Variants in TOP6BL observed in about 807,000 individuals in gnomAD.
The protein encoded by TOP6BL is TOP6B like initiator of meiotic double strand breaks, also known as type 2 DNA topoisomerase 6 subunit B-like.
the TOP6BL span, among the ~76,000 whole-genome samples, chr11:66,777,264 G>T: frequency 6.6e-6 from 1 of 151,744 alleles, no homozygotes; most frequent in Admixed American, 6.6e-5. Context: ...AGACATTTAG[G>T]TTTATTCTTT....
chr11:66,773,963 AGGTGATCCACCAGC>A, the TOP6BL span, among the ~76,000 whole-genome samples: 2 of 152,240 alleles, frequency 1.3e-5, no homozygotes, highest in South Asian at 4.1e-4. Context: ...TCCTGACCTC[AGGTGATCCACCAGC>A]CTTGGCCTCC....
At chr11:66,788,134 C>T in the TOP6BL span, 1 of 1,528,258 alleles carries the variant, frequency 6.5e-7, no homozygotes, top group Admixed American at 1.7e-5. Context: ...GCTTGTTTGA[C>T]TTTGTTGCCA....
chr11:66,827,965 A>AG, the TOP6BL span, among the ~76,000 whole-genome samples: 54 of 115,268 alleles, frequency 4.7e-4, no homozygotes, highest in African/African-American at 1.8e-3. Context: ...ACTCTGTCTC[A>AG]GAAAAAAAAA....
At chr11:66,814,266 T>C in the TOP6BL span, among the ~76,000 whole-genome samples, 1 of 151,850 alleles carries the variant, frequency 6.6e-6, no homozygotes, top group African/African-American at 2.4e-5. Flanking sequence ...GTTTTTGTTT[T>C]TGTTTTGTTT....
At chr11:66,752,135 T>G in the TOP6BL span, among the ~76,000 whole-genome samples, 2 of 150,632 alleles carry the variant, frequency 1.3e-5, no homozygotes, top group African/African-American at 2.4e-5. Flanking sequence ...CCTGAATCCC[T>G]CTCTCTCTTT....
At chr11:66,821,489 G>A in the TOP6BL span, among the ~76,000 whole-genome samples, 3 of 151,886 alleles carry the variant, frequency 2.0e-5, no homozygotes, top group African/African-American at 4.8e-5. Flanking sequence ...GGGTTTCACC[G>A]TGGTCTCGAT....
the TOP6BL span, among the ~76,000 whole-genome samples, chr11:66,793,635 G>A: frequency 2.6e-5 from 4 of 151,122 alleles, no homozygotes; most frequent in African/African-American, 9.7e-5. Context: ...AGTAGAGACG[G>A]GGTTTCATCA....
the TOP6BL span, among the ~76,000 whole-genome samples, chr11:66,777,765 G>T: frequency 6.6e-6 from 1 of 151,946 alleles, no homozygotes; most frequent in Non-Finnish European, 1.5e-5. Context: ...CCAGCTACTC[G>T]GGAGGCTGAG....
chr11:66,796,313 TTGTC>T, the TOP6BL span: 2 of 1,611,080 alleles, frequency 1.2e-6, no homozygotes, highest in Non-Finnish European at 1.7e-6. Flanking sequence ...TGATGACAGA[TTGTC>T]TGGTTATAAA....
At chr11:66,800,827 A>G in the TOP6BL span, 1 of 937,406 alleles carries the variant, frequency 1.1e-6, no homozygotes, top group Non-Finnish European at 1.6e-6. Context: ...TAATTTTCTG[A>G]CACCCCCACA....
chr11:66,790,247 TGATA>T, the TOP6BL span, among the ~76,000 whole-genome samples: 3 of 151,204 alleles, frequency 2.0e-5, no homozygotes, highest in African/African-American at 7.3e-5. Flanking sequence ...CCAGCATGGG[TGATA>T]GAGTGAGACT....
chr11:66,838,841 C>T, the TOP6BL span, among the ~76,000 whole-genome samples: 3 of 152,122 alleles, frequency 2.0e-5, no homozygotes, highest in African/African-American at 7.2e-5. Flanking sequence ...ACACCATTCT[C>T]CTGCCTCAGC....
the TOP6BL span, among the ~76,000 whole-genome samples, chr11:66,749,037 G>C: frequency 2.0e-5 from 3 of 152,068 alleles, no homozygotes; most frequent in Non-Finnish European, 4.4e-5. Context: ...TAAACTTGAA[G>C]TGTTAGCTTT....
the TOP6BL span, among the ~76,000 whole-genome samples, chr11:66,760,121 GA>G: frequency 6.6e-6 from 1 of 152,094 alleles, no homozygotes; most frequent in African/African-American, 2.4e-5. Context: ...AATATTAATA[GA>G]TTTTTAAAAG....
the TOP6BL span, among the ~76,000 whole-genome samples, chr11:66,745,128 C>A: frequency 6.6e-6 from 1 of 152,070 alleles, no homozygotes; most frequent in Non-Finnish European, 1.5e-5. Context: ...GGAACGACGC[C>A]CTCTCTCCAG....
chr11:66,815,998 T>A, the TOP6BL span: 2 of 1,500,474 alleles, frequency 1.3e-6, no homozygotes, highest in Non-Finnish European at 1.8e-6. Context: ...GTAGTCACTT[T>A]GTATTTCAAG....
At chr11:66,770,994 A>G in the TOP6BL span, among the ~76,000 whole-genome samples, 1 of 152,074 alleles carries the variant, frequency 6.6e-6, no homozygotes, top group South Asian at 2.1e-4. Flanking sequence ...CTATAAATTT[A>G]AGGAGAATTT....
chr11:66,744,864 G>C, the TOP6BL span: 2 of 1,313,166 alleles, frequency 1.5e-6, no homozygotes, highest in Middle Eastern at 2.0e-4. Context: ...CCTTCGACTG[G>C]GCGTTGCCGC....
chr11:66,754,109 C>T, the TOP6BL span, among the ~76,000 whole-genome samples: 4 of 152,206 alleles, frequency 2.6e-5, no homozygotes, highest in Non-Finnish European at 5.9e-5. Flanking sequence ...TATTTGTTTG[C>T]GAGCACCAGC....
Sources: allele counts gnomAD v4.1 joint callset (sites outside exome capture counted in the v4.1 genomes callset), GRCh38; gene constraint gnomAD v4.1.1; transcripts MANE v1.5; gene names NCBI Gene and HGNC (gene_info 2026-07-23, HGNC 2026-07-21).